Variants in GRM8 observed in about 807,000 individuals in gnomAD.
GRM8 encodes the protein glutamate metabotropic receptor 8.
In GRM8, 47 loss-of-function variants were observed where a neutral mutation model predicts 87.2. That is an observed-to-expected ratio of 0.54 (90% CI 0.43 to 0.69). The LOEUF (loss-of-function observed/expected upper bound fraction) is 0.69. GRM8 is among the 30% of genes least tolerant of loss of function. GRM8 has a pLI of 0.00. For synonymous variants in GRM8, 396 were observed against 404.5 expected (o/e 0.98, Z 0.25); for missense variants, 1,019 against 1,139.2 (o/e 0.89, Z 1.52).
rs148579370 is a variant in GRM8, at chr7:127,146,458, G to A, written c.511-39746C>T. The stretch of plus-strand genomic sequence containing the variant: ...GAGCCTCAGAAAAAACAGTGTGGGG[G>A]TCTCATGGCTCCAGGAGATAGAGGA... On this transcript the variant is annotated intron_variant, in intron 2 of 10. Transcript: ENST00000339582. 7.8e-3 allele frequency among the ~76,000 whole-genome samples: 1,183 copies of A among 152,076 alleles called. 10 individuals carry two copies. The highest frequency in any genetic ancestry group is 0.026 in the African/African-American group (1,092 of 41,500).
At chr7:126,439,971 T>C (rs1328972341) in intron 10 of GRM8, among the ~76,000 whole-genome samples, 2 of 152,006 alleles carry the variant, frequency 1.3e-5, no homozygotes, top group Non-Finnish European at 1.5e-5. Flanking sequence ...GACAATGTGT[T>C]TGTGTTTTAA....
At chr7:127,028,036 G>A (rs1460505889) in intron 3 of GRM8, among the ~76,000 whole-genome samples, 1 of 152,170 alleles carries the variant, frequency 6.6e-6, no homozygotes, top group Non-Finnish European at 1.5e-5. Context: ...TTTTTAGCAT[G>A]AAAGGCTGTT....
In GRM8 at chr7:126,522,647, G is replaced by C. The variant is rs1317489723; in HGVS notation, c.2430+10305C>G. ...ACTTAAAACAGGTTTTTGGTCACAGGTTTTACAAACAATGCCCAACTTTCC... is the reference window on the plus strand; with the variant it reads ...ACTTAAAACAGGTTTTTGGTCACAGCTTTTACAAACAATGCCCAACTTTCC... On this transcript the variant is annotated intron_variant, in intron 9 of 10. Transcript: ENST00000339582. Among the ~76,000 whole-genome samples the C allele has an allele frequency of 3.3e-5, 5 of 152,164 alleles. No homozygotes were observed. The East Asian group carries it at 9.6e-4, about 29-fold the overall frequency.
At chr7:126,570,537 A>C (rs528215383) in intron 8 of GRM8, among the ~76,000 whole-genome samples, 1 of 152,330 alleles carries the variant, frequency 6.6e-6, no homozygotes, top group Non-Finnish European at 1.5e-5. Flanking sequence ...GTCTCTAAAG[A>C]AGTTTTTATA....
At chr7:126,466,662 T>C (rs1804535143) in intron 9 of GRM8, among the ~76,000 whole-genome samples, 1 of 151,844 alleles carries the variant, frequency 6.6e-6, no homozygotes, top group African/African-American at 2.4e-5. Context: ...AAAGGCCTGA[T>C]GTCCCAGAGC....
intron 7 of GRM8, among the ~76,000 whole-genome samples, chr7:126,752,535 C>T (rs1038360939): frequency 6.6e-6 from 1 of 152,074 alleles, no homozygotes; most frequent in African/African-American, 2.4e-5. Context: ...ATGTAGAAGA[C>T]ATGCCTGGAC....
chr7:126,746,754 T>C (rs1013544312), intron 7 of GRM8, among the ~76,000 whole-genome samples: 12 of 151,710 alleles, frequency 7.9e-5, no homozygotes, highest in Non-Finnish European at 1.5e-4. Context: ...TTGGTTTTAA[T>C]TAAATATTAA....
At chr7:127,013,827 C>A (rs1815131107) in intron 3 of GRM8, among the ~76,000 whole-genome samples, 1 of 152,128 alleles carries the variant, frequency 6.6e-6, no homozygotes, top group African/African-American at 2.4e-5. Flanking sequence ...CTTCATGGAG[C>A]TTATAGTCCA....
At chr7:126,445,653 A>G (rs1003849658) in intron 10 of GRM8, among the ~76,000 whole-genome samples, 1 of 152,042 alleles carries the variant, frequency 6.6e-6, no homozygotes. Flanking sequence ...TGACTTAACT[A>G]AACATATTGG....
intron 2 of GRM8, among the ~76,000 whole-genome samples, chr7:127,234,501 G>GA (rs1417163690): frequency 6.6e-6 from 1 of 152,172 alleles, no homozygotes; most frequent in East Asian, 1.9e-4. Flanking sequence ...TGTGTCAAAA[G>GA]AAAAAAGCTG....
chr7:126,833,353 G>C (rs1252254143), intron 6 of GRM8, among the ~76,000 whole-genome samples: 1 of 152,200 alleles, frequency 6.6e-6, no homozygotes, highest in Non-Finnish European at 1.5e-5. Flanking sequence ...CCACCCTCAA[G>C]AATAAAGTTA....
intron 2 of GRM8, among the ~76,000 whole-genome samples, chr7:127,223,443 GCACACACACACACACA>G (rs61674303): frequency 0.053 from 7,577 of 144,030 alleles, 282 homozygotes; most frequent in African/African-American, 0.092. Flanking sequence ...ACACACACAC[GCACACACACACACACA>G]CACACACACA....
chr7:126,868,250 C>T (rs748772553), intron 6 of GRM8, among the ~76,000 whole-genome samples: 15 of 152,242 alleles, frequency 9.9e-5, no homozygotes, highest in African/African-American at 2.7e-4. Context: ...GGGAAGAACA[C>T]GGCAACCCCA....
chr7:127,052,865 C>G (rs17862275), intron 3 of GRM8, among the ~76,000 whole-genome samples: 12,144 of 152,180 alleles, frequency 0.08, 528 homozygotes, highest in South Asian at 0.13. Context: ...TTTGTAGATT[C>G]TGTCTTTGAA....
At chr7:126,716,166 T>C (rs1422419840) in intron 7 of GRM8, among the ~76,000 whole-genome samples, 2 of 152,198 alleles carry the variant, frequency 1.3e-5, no homozygotes, top group South Asian at 2.1e-4. Flanking sequence ...TGAATAAACA[T>C]TGAATAAACA....
At chr7:126,521,086 T>A (rs925757999) in intron 9 of GRM8, among the ~76,000 whole-genome samples, 1 of 152,084 alleles carries the variant, frequency 6.6e-6, no homozygotes, top group Non-Finnish European at 1.5e-5. Context: ...TTCAATTCAA[T>A]TTGAGTAGAT....
intron 3 of GRM8, among the ~76,000 whole-genome samples, chr7:126,907,934 G>A (rs925627306): frequency 6.6e-6 from 1 of 152,204 alleles, no homozygotes; most frequent in Non-Finnish European, 1.5e-5. Flanking sequence ...TTGATTTGAT[G>A]TAAGTAGGGA....
At chr7:126,461,515 T>C (rs563924227) in intron 9 of GRM8, among the ~76,000 whole-genome samples, 7 of 151,776 alleles carry the variant, frequency 4.6e-5, no homozygotes, top group Non-Finnish European at 1.0e-4. Flanking sequence ...TCAGGGAAGA[T>C]GATAAGGTTG....
In GRM8 at chr7:127,243,128, G is replaced by A; in HGVS notation, c.77C>T (p.Thr26Ile). The A allele has an allele frequency of 6.2e-7, 1 of 1,613,852 alleles. No individual in the cohort carries two copies. Among genetic ancestry groups the A allele is most frequent in the South Asian group, 1.1e-5 (1 of 91,074 alleles). ...LLTAKFYWIL[T>I]MMQRTHSQEY... is the part of the protein sequence containing the mutation. ...CTGGCTGTGAGTTCTTTGCATCATT[G>A]TGAGGATCCAGTAGAACTTGGCGGT... Residue 26 changes from threonine (T) to isoleucine (I), a missense_variant, in exon 2 of 11, where the codon ACA (threonine) becomes ATA (isoleucine). Physicochemically the swap from Thr to Ile is moderately conservative, Grantham distance 89. Transcript: ENST00000339582.
Sources: gnomAD v4.1 joint callset for allele counts (sites outside exome capture counted in the v4.1 genomes callset) on GRCh38, gnomAD v4.1.1 for gene constraint, MANE v1.5 for transcripts, NCBI Gene and HGNC (gene_info 2026-07-23, HGNC 2026-07-21) for gene names.